DPP6: variants seen among roughly 807,000 people sequenced by gnomAD.
DPP6 encodes dipeptidyl peptidase like 6.
A neutral mutation model predicts 122.6 loss-of-function variants in DPP6; 69 were observed. That is an observed-to-expected ratio of 0.56 (90% CI 0.46 to 0.69). The LOEUF (loss-of-function observed/expected upper bound fraction) is 0.69, where lower values mean the gene tolerates loss of function less well. DPP6 is among the 30% of genes least tolerant of loss of function. DPP6 has a pLI of 0.00. For synonymous variants in DPP6, 418 were observed against 433.1 expected (o/e 0.97, Z 0.43); for missense variants, 928 against 1,116.9 (o/e 0.83, Z 2.41).
In DPP6 at chr7:154,305,261, C is replaced by A. The variant is rs1454512993; in HGVS notation, c.244-140953C>A. ...AGGCTGTTGCTAATTGGAGAAGCCC[C>A]ACTAAGCAGCGGCAGCTTCCTGCTT... is the stretch of plus-strand genomic sequence containing the variant. On this transcript the variant is annotated intron_variant, in intron 1 of 25. Coordinates refer to ENST00000377770, the MANE Select transcript of DPP6 (RefSeq NM_130797.4). 4.6e-6 allele frequency: 6 copies of A among 1,294,114 alleles called. No homozygotes were observed. In the East Asian group the frequency reaches 1.8e-4, roughly 39 times the overall value. 80.2% of individuals were successfully genotyped at this position (1,294,114 alleles called of 1,614,324 possible). A position where few individuals can be genotyped will look rare whatever the true frequency, so the allele number is the denominator to read the frequency against.
At chr7:154,553,479 T>C (rs944772823) in intron 4 of DPP6, among the ~76,000 whole-genome samples, 1 of 152,216 alleles carries the variant, frequency 6.6e-6, no homozygotes, top group Admixed American at 6.5e-5. Context: ...GTGCTTACGG[T>C]GTGACTAAAG....
At chr7:154,840,084 G>A (rs1038930489) in intron 16 of DPP6, among the ~76,000 whole-genome samples, 8 of 152,186 alleles carry the variant, frequency 5.3e-5, no homozygotes, top group African/African-American at 1.4e-4. Context: ...GTTTGCTTGC[G>A]CTACATCCTC....
intron 3 of DPP6, among the ~76,000 whole-genome samples, chr7:154,502,516 TA>T (rs1825338760): frequency 6.6e-6 from 1 of 152,110 alleles, no homozygotes; most frequent in Non-Finnish European, 1.5e-5. Flanking sequence ...CTGAGGGTTT[TA>T]AAAAGGGGAG....
intron 16 of DPP6, among the ~76,000 whole-genome samples, chr7:154,809,062 T>G (rs913517093): frequency 7.9e-5 from 12 of 152,186 alleles, no homozygotes; most frequent in Admixed American, 2.0e-4. Context: ...CTTTATGGAT[T>G]TGTATTTCCC....
chr7:153,996,483 A>ATGTC (rs1797441436), intron 1 of DPP6, among the ~76,000 whole-genome samples: 1 of 151,604 alleles, frequency 6.6e-6, no homozygotes, highest in Non-Finnish European at 1.5e-5. Context: ...TGGCACTTCC[A>ATGTC]TGTCTGTCCA....
At chr7:154,396,468 T>C (rs1160272673) in intron 1 of DPP6, among the ~76,000 whole-genome samples, 1 of 152,174 alleles carries the variant, frequency 6.6e-6, no homozygotes, top group South Asian at 2.1e-4. Flanking sequence ...GATCCTCTTT[T>C]CCTATAACTT....
chr7:153,924,659 G>A (rs532725436), intron 1 of DPP6, among the ~76,000 whole-genome samples: 3 of 152,284 alleles, frequency 2.0e-5, no homozygotes, highest in African/African-American at 7.2e-5. Context: ...AACTGTGGTC[G>A]TGGCGGTTGG....
chr7:154,229,490 T>C (rs996347597), intron 1 of DPP6, among the ~76,000 whole-genome samples: 5 of 152,208 alleles, frequency 3.3e-5, no homozygotes, highest in Admixed American at 6.5e-5. Context: ...GCTTTTGTTT[T>C]TGCTGTTAAT....
chr7:154,327,107 G>T (rs1344781383), intron 1 of DPP6, among the ~76,000 whole-genome samples: 2 of 152,042 alleles, frequency 1.3e-5, no homozygotes, highest in Admixed American at 6.6e-5. Flanking sequence ...CAGGTCATTT[G>T]GGGGGTCTGA....
chr7:154,404,639 T>C (rs1002145121), intron 1 of DPP6, among the ~76,000 whole-genome samples: 1 of 152,176 alleles, frequency 6.6e-6, no homozygotes, highest in Non-Finnish European at 1.5e-5. Context: ...ATGATGGAAA[T>C]TCAAATTAAG....
chr7:153,919,390 G>A (rs1345113264), intron 1 of DPP6, among the ~76,000 whole-genome samples: 1 of 152,168 alleles, frequency 6.6e-6, no homozygotes, highest in East Asian at 1.9e-4. Context: ...AGGAAAGCTG[G>A]TTCCAGGAGG....
intron 1 of DPP6, among the ~76,000 whole-genome samples, chr7:153,923,528 A>C (rs377655876): frequency 6.6e-6 from 1 of 152,032 alleles, no homozygotes; most frequent in East Asian, 1.9e-4. Flanking sequence ...TTGGGAGGCC[A>C]AGGCGGGCAG....
At chr7:154,660,855 T>G (rs59748286) in intron 6 of DPP6, among the ~76,000 whole-genome samples, 1 of 52,232 alleles carries the variant, frequency 1.9e-5, no homozygotes, top group Non-Finnish European at 3.5e-5. Flanking sequence ...AGTGTTCATA[T>G]AGTCATGGTG....
intron 1 of DPP6, among the ~76,000 whole-genome samples, chr7:154,423,433 A>G (rs1817648461): frequency 6.6e-6 from 1 of 152,122 alleles, no homozygotes; most frequent in Admixed American, 6.5e-5. Context: ...CTCTTTTGGC[A>G]GGTGTGACTT....
intron 16 of DPP6, among the ~76,000 whole-genome samples, chr7:154,844,702 CCA>C (rs1801815000): frequency 6.6e-6 from 1 of 152,150 alleles, no homozygotes; most frequent in African/African-American, 2.4e-5. Flanking sequence ...CGACCTCAGA[CCA>C]CCAGAGGGTC....
At chr7:154,613,606 C>G (rs955841916) in intron 5 of DPP6, among the ~76,000 whole-genome samples, 1 of 103,084 alleles carries the variant, frequency 9.7e-6, no homozygotes, top group Non-Finnish European at 1.7e-5. Flanking sequence ...GCAACAAGAG[C>G]GAGACTCTGT....
intron 2 of DPP6, among the ~76,000 whole-genome samples, chr7:154,454,823 T>C (rs542720630): frequency 6.6e-6 from 1 of 152,218 alleles, no homozygotes; most frequent in African/African-American, 2.4e-5. Context: ...GTTGTATTAA[T>C]ATAACGTTTG....
Position 153,935,271 on chromosome 7 carries a change from G to A in DPP6, c.51+47537G>A, listed in dbSNP as rs570465467. Reference sequence around the variant, plus strand: ...AAGGGGGGGGACGTGCCCGGTAGGAGGGGGAGTGAGTCATGAGGGGCCCTG... The same window carrying A: ...AAGGGGGGGGACGTGCCCGGTAGGAAGGGGAGTGAGTCATGAGGGGCCCTG... On this transcript the variant is annotated intron_variant, in intron 1 of 25. Coordinates refer to the DPP6 transcript ENST00000404039. Among the ~76,000 whole-genome samples, 606 of 152,172 alleles carry A rather than the reference G, an allele frequency of 4.0e-3. 7 individuals carry two copies. The highest frequency in any genetic ancestry group is 0.014 in the African/African-American group (581 of 41,538).
rs149761336 is a variant in DPP6 at position 154,186,509 on chromosome 7, G to T, written c.243+133446G>T. 3.3e-5 allele frequency among the ~76,000 whole-genome samples: 5 copies of T among 152,344 alleles called. No homozygotes were observed. In the South Asian group the frequency reaches 1.0e-3, roughly 32 times the overall value. On this transcript the variant is annotated intron_variant, in intron 1 of 25. Coordinates refer to ENST00000377770, the MANE Select transcript of DPP6 (RefSeq NM_130797.4). The stretch of plus-strand genomic sequence containing the variant: ...TGTATTTGGAAGGGAGGCCCCAGGG[G>T]CCCCTTGGCATCCTCTGAGAGATGT...
Sources: gnomAD v4.1 joint callset for allele counts (sites outside exome capture counted in the v4.1 genomes callset) on GRCh38, gnomAD v4.1.1 for gene constraint, MANE v1.5 for transcripts, NCBI Gene and HGNC (gene_info 2026-07-23, HGNC 2026-07-21) for gene names.